The following MLH3 variants were observed in gnomAD, a reference collection of about 807,000 sequenced individuals.
MLH3 encodes the protein mutL homolog 3.
A neutral mutation model predicts 122.2 loss-of-function variants in MLH3; 82 were observed. The ratio of observed to expected loss-of-function variants is 0.67; its 90% CI spans 0.56 to 0.81. MLH3 has a LOEUF of 0.81. Ranked by LOEUF, MLH3 falls within the 30% of genes least tolerant of loss-of-function variation. MLH3 has a pLI of 0.00. For synonymous variants in MLH3, 524 were observed against 599.5 expected (o/e 0.87, Z 1.84); for missense variants, 1,539 against 1,714.5 (o/e 0.90, Z 1.81).
rs1031797449 is a variant in MLH3 at position 75,016,599 on chromosome 14, G to A, written c.*483C>T. 4.2e-6 allele frequency: 1 copy of A among 237,142 alleles called. No homozygotes were observed. Among genetic ancestry groups the A allele is most frequent in the Non-Finnish European group, 8.4e-6 (1 of 118,682 alleles). 14.7% of individuals were successfully genotyped at this position (237,142 alleles called of 1,614,324 possible). On this transcript the variant is annotated 3_prime_UTR_variant, in exon 13 of 13. Transcript: ENST00000355774. ...TGTAGCACATGAAGCAGCAGCATAG[G>A]GAAGTGAAGAAGACTGAAGGGAAAA...
chr14:75,044,088 T>A (rs1892055148), intron 2 of MLH3, among the ~76,000 whole-genome samples: 2 of 150,442 alleles, frequency 1.3e-5, no homozygotes, highest in Admixed American at 6.6e-5. Flanking sequence ...AAACTCCGTC[T>A]CAAAAAAAAA....
Position 75,047,720 on chromosome 14 carries a change from T to C in MLH3, c.1936A>G (p.Thr646Ala), listed in dbSNP as rs1397827180. ...TRAQETFGNR[T>A]RHSVETPDIK... ...TCTGGAGTTTCAACTGAATGACGTG[T>C]TCTATTTCCAAATGTTTCTTGGGCA... Residue 646 changes from threonine to alanine, a missense_variant, in exon 2 of 13, where the codon ACA (threonine) becomes GCA (alanine). Coordinates refer to ENST00000355774, the MANE Select transcript of MLH3 (RefSeq NM_001040108.2). 1 of 1,614,172 alleles carries C rather than the reference T, an allele frequency of 6.2e-7. No homozygotes were observed. The highest frequency in any genetic ancestry group is 1.7e-5 in the Admixed American group (1 of 60,016).
At chr14:75,045,140 G>A (rs1892122587) in intron 2 of MLH3, among the ~76,000 whole-genome samples, 1 of 152,178 alleles carries the variant, frequency 6.6e-6, no homozygotes, top group Admixed American at 6.5e-5. Flanking sequence ...GACAAGCCTG[G>A]CCAACACGGT....
intron 5 of MLH3, among the ~76,000 whole-genome samples, 155 bp downstream of exon 5, chr14:75,039,756 A>G (rs1483073282): frequency 5.8e-5 from 1 of 17,244 alleles, no homozygotes; most frequent in Non-Finnish European, 1.4e-4. Flanking sequence ...AAGTTCTAGT[A>G]AGAACACACA....
chr14:75,023,220 T>C (rs1175240630), intron 9 of MLH3, among the ~76,000 whole-genome samples: 2 of 152,220 alleles, frequency 1.3e-5, no homozygotes, highest in Non-Finnish European at 1.5e-5. Flanking sequence ...AGAACTCTTA[T>C]TGAACACAGA....
intron 6 of MLH3, chr14:75,036,605 A>G (rs1419581882): frequency 2.2e-6 from 1 of 454,396 alleles, no homozygotes; most frequent in Non-Finnish European, 4.4e-6. Context: ...CGGCCTCCCA[A>G]AGTGCTGGGA....
chr14:75,044,067 C>T (rs1488501622), intron 2 of MLH3, among the ~76,000 whole-genome samples: 1 of 151,120 alleles, frequency 6.6e-6, no homozygotes, highest in Non-Finnish European at 1.5e-5. Flanking sequence ...TTAGCCTGGG[C>T]AACAAGAGCG....
intron 6 of MLH3, 49 bp from the exon 7 acceptor site, chr14:75,033,539 C>A (rs780635827): frequency 7.0e-7 from 1 of 1,427,296 alleles, no homozygotes; most frequent in Non-Finnish European, 9.9e-7. Flanking sequence ...AAGACGACAA[C>A]CATCATGTGT....
chr14:75,023,907 C>T (rs1480930663), intron 9 of MLH3, among the ~76,000 whole-genome samples: 1 of 152,158 alleles, frequency 6.6e-6, no homozygotes, highest in East Asian at 1.9e-4. Flanking sequence ...TAAATGGGCA[C>T]AGTTATCAAG....
chr14:75,023,917 G>A (rs1401194665), intron 9 of MLH3, among the ~76,000 whole-genome samples: 7 of 152,230 alleles, frequency 4.6e-5, no homozygotes, highest in African/African-American at 1.4e-4. Context: ...CAGTTATCAA[G>A]AGCTAGGTAG....
Position 75,048,677 on chromosome 14 carries a change from G to A in MLH3, c.979C>T (p.Leu327=). Residue 327 remains leucine (L), a synonymous_variant, in exon 2 of 13, where the codon CTG becomes TTG. Transcript: ENST00000355774. ...YDVCMEPAKT[L]IEFQNWDTLL... is the part of the protein sequence containing the mutation. ...GTGTCCCAGTTCTGAAATTCAATCA[G>A]AGTTTTGGCTGGCTCCATGCACACA... 2 of 1,614,134 alleles carry A rather than the reference G, an allele frequency of 1.2e-6. No individual in the cohort carries two copies. The highest frequency in any genetic ancestry group is 2.7e-5 in the African/African-American group (2 of 75,022).
intron 9 of MLH3, 58 bp from the exon 10 acceptor site, chr14:75,023,076 ATAGT>A: frequency 1.3e-6 from 2 of 1,586,062 alleles, no homozygotes; most frequent in Non-Finnish European, 1.7e-6. Flanking sequence ...TTGCCCTTTG[ATAGT>A]TTACAAAATA....
In MLH3 at chr14:75,030,704, TAA is replaced by T; in HGVS notation, c.3828-4_3828-3del. The stretch of plus-strand genomic sequence containing the variant: ...TCTTCCAGATTTTTGTGGTAACACC[TAA>T]AGAGATAACCTCAAATGTTAAAAAA... On this transcript the variant is annotated splice_region_variant and splice_polypyrimidine_tract_variant and intron_variant, in intron 8 of 12. Transcript: ENST00000355774. 1.9e-6 allele frequency: 3 copies of T among 1,611,780 alleles called. No individual in the cohort carries two copies. Among genetic ancestry groups the T allele is most frequent in the Non-Finnish European group, 1.7e-6 (2 of 1,178,054 alleles).
rs1030523594 is a variant in MLH3 at position 75,015,312 on chromosome 14, G to A, written c.*1770C>T. On this transcript the variant is annotated 3_prime_UTR_variant, in exon 13 of 13. Coordinates refer to ENST00000355774, the MANE Select transcript of MLH3 (RefSeq NM_001040108.2). The stretch of plus-strand genomic sequence containing the variant: ...TTGCTTGAGTCAGGCTAGTCAGGAA[G>A]GCCGGTTACATAATTTATGGAGGAC... The A allele has an allele frequency of 1.1e-5, 2 of 177,042 alleles. No individual in the cohort carries two copies. Among genetic ancestry groups the A allele is most frequent in the Admixed American group, 6.3e-5 (1 of 15,810 alleles). 11.0% of individuals were successfully genotyped at this position (177,042 alleles called of 1,614,324 possible). A position where few individuals can be genotyped will look rare whatever the true frequency, so the allele number is the denominator to read the frequency against.
At position 75,049,560 on chromosome 14, in the gene MLH3, G is replaced by A. The variant is rs2139613729; in HGVS notation, c.96C>T (p.Asn32=). 1.2e-6 allele frequency: 2 copies of A among 1,614,166 alleles called. No individual in the cohort carries two copies. Among genetic ancestry groups the A allele is most frequent in the Non-Finnish European group, 1.7e-6 (2 of 1,180,032 alleles). ...LGQCVEELAL[N]SIDAEAKCVA... ...CACATTTTGCTTCAGCATCAATACT[G>A]TTGAGGGCAAGTTCCTCAACACATT... The change falls in exon 2 of 13, where the codon AAC becomes AAT. Residue 32 remains asparagine (N), a synonymous_variant. Transcript: ENST00000355774.
Position 75,043,692 on chromosome 14 carries a change from C to T in MLH3, c.3281-1215G>A, listed in dbSNP as rs28757002. 4.9e-3 allele frequency among the ~76,000 whole-genome samples: 746 copies of T among 152,274 alleles called. 9 individuals are homozygous for T. The highest frequency in any genetic ancestry group is 0.017 in the African/African-American group (704 of 41,556). ...TGAAGTGAAATAAGGTTTATAACTA[C>T]AATAGAAAGAACTGCATAAAATATA... On this transcript the variant is annotated intron_variant, in intron 2 of 12. Coordinates refer to ENST00000355774, the MANE Select transcript of MLH3 (RefSeq NM_001040108.2).
At chr14:75,040,592 C>G (rs536190486) in intron 4 of MLH3, among the ~76,000 whole-genome samples, 1 of 151,526 alleles carries the variant, frequency 6.6e-6, no homozygotes, top group African/African-American at 2.4e-5. Context: ...TGTCTATGTT[C>G]CATGATCAAG....
rs1480412337 is a variant in MLH3 at position 75,049,362 on chromosome 14, T to C, written c.294A>G (p.Ala98=). The C allele has an allele frequency of 2.5e-6, 4 of 1,614,002 alleles. No homozygotes were observed. In the African/African-American group the frequency reaches 5.3e-5, roughly 22 times the overall value. ...RFYGFRGEAL[A]NIADMASAVE... is the part of the protein sequence containing the mutation. Reference sequence around the variant, plus strand: ...CAGCACTGGCCATGTCAGCAATATTTGCCAAGGCCTCTCCTCGGAAACCAT... The same window carrying C: ...CAGCACTGGCCATGTCAGCAATATTCGCCAAGGCCTCTCCTCGGAAACCAT... The change falls in exon 2 of 13, where the codon GCA becomes GCG. Residue 98 remains alanine, a synonymous_variant. Coordinates refer to ENST00000355774, the MANE Select transcript of MLH3 (RefSeq NM_001040108.2).
At position 75,022,907 on chromosome 14, in the gene MLH3, C is replaced by G; in HGVS notation, c.4012-15G>C. On this transcript the variant is annotated splice_polypyrimidine_tract_variant and intron_variant, in intron 10 of 12. Coordinates refer to ENST00000355774, the MANE Select transcript of MLH3 (RefSeq NM_001040108.2). ...GTCTGGAGTAGCTAATGCATAAACA[C>G]GTTATTAACAGGAAAAGAAAACGGA... 2 of 1,613,944 alleles carry G rather than the reference C, an allele frequency of 1.2e-6. No individual in the cohort carries two copies. Among genetic ancestry groups the G allele is most frequent in the South Asian group, 1.1e-5 (1 of 91,080 alleles).
Sources: gnomAD v4.1 joint callset for allele counts (sites outside exome capture counted in the v4.1 genomes callset) on GRCh38, gnomAD v4.1.1 for gene constraint, MANE v1.5 for transcripts, NCBI Gene and HGNC (gene_info 2026-07-23, HGNC 2026-07-21) for gene names.